RGS7: variants seen among roughly 807,000 people sequenced by gnomAD.
RGS7 encodes regulator of G protein signaling 7.
In RGS7, 27 loss-of-function variants were observed where a neutral mutation model predicts 81.1. The observed-to-expected ratio is 0.33, with a 90% CI of 0.25 to 0.46. RGS7 has a LOEUF of 0.46. Among genes scored for constraint, RGS7 ranks in the 20% least tolerant of loss-of-function variants. RGS7 has a pLI of 1.00. For synonymous variants in RGS7, 208 were observed against 207.7 expected (o/e 1.00, Z -0.01); for missense variants, 396 against 607.4 (o/e 0.65, Z 3.66).
intron 3 of RGS7, among the ~76,000 whole-genome samples, chr1:241,006,292 C>G (rs146945924): frequency 2.0e-5 from 3 of 152,190 alleles, no homozygotes; most frequent in African/African-American, 4.8e-5. Flanking sequence ...TTTATAGCTC[C>G]TTTCTCCTGT....
chr1:240,948,066 G>A (rs1445269695), intron 4 of RGS7, among the ~76,000 whole-genome samples: 2 of 152,164 alleles, frequency 1.3e-5, no homozygotes, highest in East Asian at 3.8e-4. Flanking sequence ...CTACATCAGA[G>A]ACACCAGCCC....
In RGS7 at chr1:241,038,439, A is replaced by G. The variant is rs181693155; in HGVS notation, c.176-55310T>C. Among the ~76,000 whole-genome samples the G allele has an allele frequency of 5.9e-5, 9 of 152,318 alleles. No individual in the cohort carries two copies. In the East Asian group the frequency reaches 1.7e-3, roughly 29 times the overall value. ...ACTTTCACAAGGCCACAACATATCCATAATTATGTTGAGAAAGAAGCACTG... is the reference window on the plus strand; with the variant it reads ...ACTTTCACAAGGCCACAACATATCCGTAATTATGTTGAGAAAGAAGCACTG... On this transcript the variant is annotated intron_variant, in intron 3 of 18. Coordinates refer to ENST00000440928, the MANE Select transcript of RGS7 (RefSeq NM_001364886.1).
intron 3 of RGS7, among the ~76,000 whole-genome samples, chr1:241,000,814 A>ATTTTTTTT (rs10691671): frequency 1.5e-5 from 2 of 130,414 alleles, no homozygotes; most frequent in African/African-American, 6.0e-5. Flanking sequence ...CACCCAGCTA[A>ATTTTTTTT]TTTTTTTTTT....
chr1:241,332,885 C>T (rs760206195), intron 2 of RGS7, among the ~76,000 whole-genome samples: 1 of 152,116 alleles, frequency 6.6e-6, no homozygotes, highest in Non-Finnish European at 1.5e-5. Context: ...TGACATTGAA[C>T]AGGTAATGAA....
chr1:241,202,047 C>CACACACACACACACACAG (rs780522041), intron 2 of RGS7, among the ~76,000 whole-genome samples: 1 of 150,270 alleles, frequency 6.7e-6, no homozygotes, highest in Non-Finnish European at 1.5e-5. Context: ...CACACACACA[C>CACACACACACACACACAG]AGAGACACCC....
chr1:241,031,431 T>C (rs1322235939), intron 3 of RGS7, among the ~76,000 whole-genome samples: 2 of 152,232 alleles, frequency 1.3e-5, no homozygotes, highest in East Asian at 3.8e-4. Flanking sequence ...TGTGCTGTGA[T>C]AAACATACAA....
At chr1:240,905,431 T>C (rs192676377) in intron 6 of RGS7, among the ~76,000 whole-genome samples, 2 of 152,336 alleles carry the variant, frequency 1.3e-5, no homozygotes, top group East Asian at 3.9e-4. Context: ...AGGAAACTAC[T>C]GACTGAGTAA....
Position 241,197,681 on chromosome 1 carries a change from TAATA to T in RGS7, c.79-98923_79-98920del, listed in dbSNP as rs566708441. Among the ~76,000 whole-genome samples the T allele has an allele frequency of 2.1e-3, 314 of 151,980 alleles. 2 individuals are homozygous for T. The highest frequency in any genetic ancestry group is 3.9e-3 in the South Asian group (19 of 4,824). ...ACACATTTTAAAACTTGTGCACAGT[TAATA>T]AATAGTGTCAGAATATACAAAGGTA... On this transcript the variant is annotated intron_variant, in intron 2 of 18. Transcript: ENST00000440928.
chr1:240,908,871 C>T (rs1449081793), intron 6 of RGS7, among the ~76,000 whole-genome samples: 1 of 152,200 alleles, frequency 6.6e-6, no homozygotes, highest in East Asian at 1.9e-4. Context: ...GCTCTGAGGA[C>T]TAGAAAACAG....
rs192387971 is a variant in RGS7 at position 240,875,173 on chromosome 1, C to G, written c.386-5054G>C. Among the ~76,000 whole-genome samples, 868 of 152,348 alleles carry G rather than the reference C, an allele frequency of 5.7e-3. 9 individuals are homozygous for G. Among genetic ancestry groups the G allele is most frequent in the Admixed American group, 9.3e-3 (142 of 15,306 alleles). On this transcript the variant is annotated intron_variant, in intron 6 of 18. Transcript: ENST00000440928. The stretch of plus-strand genomic sequence containing the variant: ...AGTCCTCTAACTGAAACTTTGCGCT[C>G]TTTAACCAATATCTGCCCCCACTGC...
chr1:241,092,396 G>C (rs1326510975), intron 3 of RGS7, among the ~76,000 whole-genome samples: 2 of 152,178 alleles, frequency 1.3e-5, no homozygotes, highest in Non-Finnish European at 2.9e-5. Context: ...GCTGGTATGA[G>C]TGTTATAGTT....
At chr1:240,961,473 T>C (rs563140576) in intron 4 of RGS7, among the ~76,000 whole-genome samples, 9 of 152,316 alleles carry the variant, frequency 5.9e-5, no homozygotes, top group Admixed American at 1.3e-4. Context: ...AGAAATTTAC[T>C]ATTAATATGT....
intron 2 of RGS7, among the ~76,000 whole-genome samples, chr1:241,331,919 A>G (rs947309): frequency 0.99 from 151,215 of 152,342 alleles, 75,060 homozygotes; most frequent in East Asian, 1. Flanking sequence ...TTCAGCAGAT[A>G]CAGGAGGAAA....
chr1:241,113,371 T>C lies in RGS7; in HGVS notation c.79-14609A>G, dbSNP rs535024823. Among the ~76,000 whole-genome samples the C allele has an allele frequency of 5.0e-4, 76 of 152,320 alleles. 1 individual carries two copies. Among genetic ancestry groups the C allele is most frequent in the African/African-American group, 1.8e-3 (75 of 41,568 alleles). On this transcript the variant is annotated intron_variant, in intron 2 of 18. Coordinates refer to ENST00000440928, the MANE Select transcript of RGS7 (RefSeq NM_001364886.1). Reference sequence around the variant, plus strand: ...TTAAAACTATTTCCCCATTTGGTAATTGTTAAAGTCATAGAGACACCTAGG... The same window carrying C: ...TTAAAACTATTTCCCCATTTGGTAACTGTTAAAGTCATAGAGACACCTAGG...
At chr1:240,799,074 A>C (rs1351492089) in intron 18 of RGS7, among the ~76,000 whole-genome samples, 1 of 152,218 alleles carries the variant, frequency 6.6e-6, no homozygotes, top group Admixed American at 6.6e-5. Context: ...CCGACCATGA[A>C]GTTATAAAAT....
chr1:240,851,661 A>G (rs889361519), intron 9 of RGS7, among the ~76,000 whole-genome samples: 4 of 152,242 alleles, frequency 2.6e-5, no homozygotes, highest in African/African-American at 9.6e-5. Flanking sequence ...TCATCATTCT[A>G]GATACCATTA....
At chr1:241,050,820 T>C (rs1402723517) in intron 3 of RGS7, among the ~76,000 whole-genome samples, 1 of 152,202 alleles carries the variant, frequency 6.6e-6, no homozygotes, top group African/African-American at 2.4e-5. Flanking sequence ...TTATTTTTTC[T>C]AGTTTACTTT....
intron 2 of RGS7, among the ~76,000 whole-genome samples, chr1:241,273,979 C>T (rs527834587): frequency 6.6e-6 from 1 of 152,306 alleles, no homozygotes; most frequent in African/African-American, 2.4e-5. Flanking sequence ...AAAAGTTGGG[C>T]TGGTTTCTCT....
chr1:241,132,941 T>C (rs920122097), intron 2 of RGS7, among the ~76,000 whole-genome samples: 5 of 152,014 alleles, frequency 3.3e-5, no homozygotes, highest in African/African-American at 1.2e-4. Flanking sequence ...TTTTTGTATT[T>C]TTAGTAGAGA....
Sources: allele counts gnomAD v4.1 joint callset (sites outside exome capture counted in the v4.1 genomes callset), GRCh38; gene constraint gnomAD v4.1.1; transcripts MANE v1.5; gene names NCBI Gene and HGNC (gene_info 2026-07-23, HGNC 2026-07-21).